The following ANKRD30B variants were observed in gnomAD, a reference collection of about 807,000 sequenced individuals.
The protein encoded by ANKRD30B is ankyrin repeat domain-containing protein 30B.
Under a neutral mutation model 202.2 loss-of-function variants are expected in ANKRD30B, and 144 were observed. That is an observed-to-expected ratio of 0.71 (90% CI 0.62 to 0.82). ANKRD30B has a LOEUF of 0.82. Among genes scored for constraint, ANKRD30B ranks in the 40% least tolerant of loss-of-function variants. The probability of loss-of-function intolerance (pLI) is 0.00; values close to 1 mark genes in which losing one functional copy is unlikely to be tolerated. For synonymous variants in ANKRD30B, 508 were observed against 561.3 expected (o/e 0.91, Z 1.34); for missense variants, 1,487 against 1,669.1 (o/e 0.89, Z 1.90).
the ANKRD30B span, among the ~76,000 whole-genome samples, chr18:14,885,645 C>A: frequency 6.6e-6 from 1 of 151,904 alleles, no homozygotes; most frequent in Non-Finnish European, 1.5e-5. Flanking sequence ...TCTTTATGTT[C>A]TTTGGCAGTC....
Position 14,843,223 on chromosome 18 carries a change from T to C in ANKRD30B, c.3181+127T>C, listed in dbSNP as rs1971495032. On this transcript the variant is annotated intron_variant, in intron 39 of 43. Transcript: ENST00000690538. ...TTTGAGTTAATAATGTCAATAGTGG[T>C]ATCCACATTTGAAAAACTGATTACT... The C allele has an allele frequency of 7.3e-6, 7 of 964,822 alleles. No homozygotes were observed. In the South Asian group the frequency reaches 2.0e-4, roughly 28 times the overall value. The allele number at this position is 964,822 out of a possible 1,614,324, so 59.8% of individuals were successfully genotyped here.
At chr18:14,850,499 C>G in intron 41 of ANKRD30B, 117 bp downstream of exon 41, 2 of 1,090,056 alleles carry the variant, frequency 1.8e-6, no homozygotes, top group East Asian at 3.2e-5. Context: ...AAAGTATTGT[C>G]TTAAAATTAA....
chr18:14,877,156 C>T, the ANKRD30B span, among the ~76,000 whole-genome samples: 2 of 152,334 alleles, frequency 1.3e-5, no homozygotes, highest in Non-Finnish European at 2.9e-5. Context: ...AGTCTGGGGC[C>T]TACTGGGAAT....
At chr18:14,833,383 GAAC>G (rs1464487489) in intron 34 of ANKRD30B, among the ~76,000 whole-genome samples, 1 of 152,084 alleles carries the variant, frequency 6.6e-6, no homozygotes, top group African/African-American at 2.4e-5. Flanking sequence ...AGAGCAACTG[GAAC>G]TACAGGCATC....
At position 14,791,503 on chromosome 18, in the gene ANKRD30B, T is replaced by C; in HGVS notation, c.1825+12T>C. 1 of 1,591,290 alleles carries C rather than the reference T, an allele frequency of 6.3e-7. No homozygotes were observed. Among genetic ancestry groups the C allele is most frequent in the South Asian group, 1.1e-5 (1 of 88,638 alleles). ...TGGAAAATTAGAAGGTAAGAACCAT[T>C]TTTTAATTAAAAAGTCATTTGACCA... On this transcript the variant is annotated intron_variant, in intron 16 of 43. Transcript: ENST00000690538.
At chr18:14,863,690 T>C in the ANKRD30B span, among the ~76,000 whole-genome samples, 1 of 150,874 alleles carries the variant, frequency 6.6e-6, no homozygotes, top group Non-Finnish European at 1.5e-5. Flanking sequence ...TACAAAAAAA[T>C]AGATGGTATC....
the ANKRD30B span, among the ~76,000 whole-genome samples, chr18:14,906,920 G>A: frequency 1.3e-5 from 2 of 149,018 alleles, no homozygotes; most frequent in Non-Finnish European, 3.0e-5. Flanking sequence ...TGGGGGGTTG[G>A]GTGGCGGTGG....
At chr18:14,925,349 C>T in the ANKRD30B span, among the ~76,000 whole-genome samples, 1 of 152,134 alleles carries the variant, frequency 6.6e-6, no homozygotes, top group Non-Finnish European at 1.5e-5. Flanking sequence ...TGGCACACTT[C>T]CCATTGGGGG....
chr18:14,856,411 T>A (rs1972108970), downstream of ANKRD30B, among the ~76,000 whole-genome samples: 1 of 141,174 alleles, frequency 7.1e-6, no homozygotes, highest in African/African-American at 2.6e-5. Context: ...GCTCTTCACT[T>A]CCCAGAGGGG....
At chr18:14,841,224 G>A (rs117737029) in intron 37 of ANKRD30B, among the ~76,000 whole-genome samples, 37 of 152,270 alleles carry the variant, frequency 2.4e-4, no homozygotes, top group Non-Finnish European at 4.0e-4. Context: ...ACAGCTGTGC[G>A]TGTATATAAT....
chr18:14,918,331 C>T, the ANKRD30B span, among the ~76,000 whole-genome samples: 4 of 152,152 alleles, frequency 2.6e-5, no homozygotes, highest in African/African-American at 9.7e-5. Context: ...GTCAGCAATA[C>T]ATCTATTTAG....
At chr18:14,922,900 A>G in the ANKRD30B span, among the ~76,000 whole-genome samples, 9 of 152,252 alleles carry the variant, frequency 5.9e-5, no homozygotes, top group East Asian at 1.7e-3. Flanking sequence ...AAGAGGAAAG[A>G]AGACTTGGTT....
intron 30 of ANKRD30B, among the ~76,000 whole-genome samples, chr18:14,820,355 T>A (rs550868469): frequency 3.7e-4 from 57 of 152,310 alleles, no homozygotes; most frequent in African/African-American, 1.3e-3. Flanking sequence ...ACCCTTTATT[T>A]CCTTCTCCTG....
intron 39 of ANKRD30B, among the ~76,000 whole-genome samples, chr18:14,848,397 G>A (rs1397876458): frequency 3.3e-5 from 5 of 152,142 alleles, no homozygotes; most frequent in Admixed American, 1.3e-4. Flanking sequence ...TTGTTCCTCA[G>A]TGTAGCCATA....
At chr18:14,917,170 T>C in the ANKRD30B span, among the ~76,000 whole-genome samples, 148,119 of 152,332 alleles carry the variant, frequency 0.97, 72,161 homozygotes, top group East Asian at 1. Flanking sequence ...TGCAGGCTAT[T>C]ATGCATGTCA....
At chr18:14,811,188 A>T (rs1598659344) in intron 28 of ANKRD30B, among the ~76,000 whole-genome samples, 1 of 151,598 alleles carries the variant, frequency 6.6e-6, no homozygotes, top group Non-Finnish European at 1.5e-5. Context: ...TTGACGTCTT[A>T]AATTTTCTTT....
the ANKRD30B span, among the ~76,000 whole-genome samples, chr18:14,927,040 C>CT: frequency 1.6e-4 from 24 of 150,858 alleles, no homozygotes; most frequent in Admixed American, 1.1e-3. Context: ...TTCTTCTTCT[C>CT]TTTTTTTTTC....
chr18:14,799,899 G>C (rs892089459), intron 22 of ANKRD30B, among the ~76,000 whole-genome samples: 1 of 152,056 alleles, frequency 6.6e-6, no homozygotes, highest in African/African-American at 2.4e-5. Context: ...AAAACAGCCT[G>C]AATTAATTTT....
chr18:14,870,614 C>G, the ANKRD30B span, among the ~76,000 whole-genome samples: 57 of 152,266 alleles, frequency 3.7e-4, no homozygotes, highest in Middle Eastern at 6.8e-3. Context: ...CCCATTCCTT[C>G]CTCACTTAGG....
Sources: allele counts gnomAD v4.1 joint callset (sites outside exome capture counted in the v4.1 genomes callset), GRCh38; gene constraint gnomAD v4.1.1; transcripts MANE v1.5; gene names NCBI Gene and HGNC (gene_info 2026-07-23, HGNC 2026-07-21).